Variants in NXF1 observed in about 807,000 individuals in gnomAD.
NXF1 encodes the protein mRNA export factor TAP.
A neutral mutation model predicts 92.4 loss-of-function variants in NXF1; 43 were observed. That is an observed-to-expected ratio of 0.47 (90% CI 0.36 to 0.60). The LOEUF (loss-of-function observed/expected upper bound fraction) is 0.60. Ranked by LOEUF, NXF1 falls within the 20% of genes least tolerant of loss-of-function variation. NXF1 has a pLI of 0.00. For synonymous variants in NXF1, 288 were observed against 292.2 expected, an observed-to-expected ratio of 0.99 and a Z score of 0.15; for missense variants, 576 against 793.0, an observed-to-expected ratio of 0.73 and a Z score of 3.29.
rs887028394 is a variant in NXF1, at chr11:62,799,685, G to A, written c.1016+692C>T. On this transcript the variant is annotated intron_variant, in intron 10 of 20. Transcript: ENST00000294172. ...TGTCTCCTTGGTAGCCTATGCCCCC[G>A]TGGCCTCCACGCCCAGCACCTGCCT... The A allele has an allele frequency of 1.9e-5, 19 of 985,936 alleles. No homozygotes were observed. The South Asian group carries it at 2.3e-4, about 12-fold the overall frequency. The allele number at this position is 985,936 out of a possible 1,614,324, so 61.1% of individuals were successfully genotyped here. A position where few individuals can be genotyped will look rare whatever the true frequency, so the allele number is the denominator to read the frequency against.
intron 19 of NXF1, 196 bp from the exon 20 acceptor site, chr11:62,792,897 T>C (rs2084380209): frequency 1.7e-6 from 1 of 590,434 alleles, no homozygotes; most frequent in African/African-American, 1.9e-5. Context: ...GAATATTAAA[T>C]AGCTGTCAAG....
chr11:62,795,026 C>A lies in NXF1; in HGVS notation c.1505-19G>T, dbSNP rs920209961. ...CCGTCCACTGCAATAAGAACAGCAA[C>A]AACACCTTAGGGTCACTAGTGCTTT... On this transcript the variant is annotated intron_variant, in intron 17 of 20. Transcript: ENST00000294172. 2 of 1,612,246 alleles carry A rather than the reference C, an allele frequency of 1.2e-6. No individual in the cohort carries two copies. The highest frequency in any genetic ancestry group is 1.7e-6 in the Non-Finnish European group (2 of 1,178,294).
intron 10 of NXF1, chr11:62,800,144 A>G (rs1313486068): frequency 2.9e-6 from 4 of 1,373,482 alleles, no homozygotes; most frequent in Non-Finnish European, 3.8e-6. Context: ...AAGAAAGAGA[A>G]AGGCCACAGA....
At position 62,801,640 on chromosome 11, in the gene NXF1, A is replaced by G. The variant is rs752874861; in HGVS notation, c.640-9T>C. ...CGTTTGCTCATGATCAGCTAGAGGA[A>G]AAAGAAGGGTTTAGTGGTCACTGGG... On this transcript the variant is annotated splice_polypyrimidine_tract_variant and intron_variant, in intron 6 of 20. Coordinates refer to ENST00000294172, the MANE Select transcript of NXF1 (RefSeq NM_006362.5). 1.2e-6 allele frequency: 2 copies of G among 1,614,042 alleles called. No individual in the cohort carries two copies. Among genetic ancestry groups the G allele is most frequent in the Non-Finnish European group, 1.7e-6 (2 of 1,179,992 alleles).
intron 10 of NXF1, chr11:62,799,655 TTC>T (rs942470364): frequency 1.0e-6 from 1 of 985,846 alleles, no homozygotes; most frequent in African/African-American, 1.7e-5. Context: ...AGGGGGTCAG[TTC>T]TCTGTCTCCT....
Position 62,792,526 on chromosome 11 carries a change from T to C in NXF1, c.1822-12A>G. ...ATCTCGCCCTTGGCCTGGAGAAAAATGAAGGTCAGTAGAGGTAGGCCTACC... is the reference window on the plus strand; with the variant it reads ...ATCTCGCCCTTGGCCTGGAGAAAAACGAAGGTCAGTAGAGGTAGGCCTACC... On this transcript the variant is annotated splice_polypyrimidine_tract_variant and intron_variant, in intron 20 of 20. Coordinates refer to ENST00000294172, the MANE Select transcript of NXF1 (RefSeq NM_006362.5). 3 of 1,614,116 alleles carry C rather than the reference T, an allele frequency of 1.9e-6. No homozygotes were observed. Among genetic ancestry groups the C allele is most frequent in the Non-Finnish European group, 2.5e-6 (3 of 1,180,012 alleles).
intron 20 of NXF1, 31 bp downstream of exon 20, chr11:62,792,610 G>C: frequency 6.2e-7 from 1 of 1,614,074 alleles, no homozygotes; most frequent in Non-Finnish European, 8.5e-7. Context: ...AGAGATCCTA[G>C]TCTTTTTGCC....
rs778982704 is a variant in NXF1 at position 62,792,788 on chromosome 11, C to T, written c.1761-87G>A. ...CACTCCATAAAAGCACCCAAGTTTGCCAACAAATATGTACATTCTTATACA... is the reference window on the plus strand; with the variant it reads ...CACTCCATAAAAGCACCCAAGTTTGTCAACAAATATGTACATTCTTATACA... On this transcript the variant is annotated intron_variant, in intron 19 of 20. Coordinates refer to ENST00000294172, the MANE Select transcript of NXF1 (RefSeq NM_006362.5). The T allele has an allele frequency of 5.0e-6, 6 of 1,209,444 alleles. No individual in the cohort carries two copies. The Admixed American group carries it at 1.1e-4, about 22-fold the overall frequency. 74.9% of individuals were successfully genotyped at this position (1,209,444 alleles called of 1,614,324 possible).
intron 19 of NXF1, 93 bp downstream of exon 19, chr11:62,794,165 C>CA (rs536925627): frequency 0.087 from 78,499 of 904,612 alleles, no homozygotes; most frequent in South Asian, 0.12. Flanking sequence ...AACTTGTCTC[C>CA]AAAAAAAAAA....
chr11:62,794,362 T>G lies in NXF1; in HGVS notation c.1656A>C (p.Ala552=), dbSNP rs759609846. ...EEIQRAFAMP[A]PTPSSSPVPT... ...GCACCGGGCTGGAGGAAGGCGTGGG[T>G]GCAGGCATAGCGAAGGCTCTTTGGA... The change falls in exon 19 of 21, where the codon GCA becomes GCC. Residue 552 remains alanine (A), a synonymous_variant. Coordinates refer to ENST00000294172, the MANE Select transcript of NXF1 (RefSeq NM_006362.5). The G allele has an allele frequency of 6.8e-6, 11 of 1,614,136 alleles. 1 individual carries two copies. In the South Asian group the frequency reaches 1.2e-4, roughly 18 times the overall value.
At chr11:62,796,932 T>C (rs1412013665) in intron 13 of NXF1, 1 of 566,740 alleles carries the variant, frequency 1.8e-6, no homozygotes, top group Non-Finnish European at 3.1e-6. Context: ...CCAGGTGCAG[T>C]GGCACACACC....
intron 11 of NXF1, among the ~76,000 whole-genome samples, chr11:62,798,126 CAAA>C (rs34495263): frequency 1.1e-4 from 11 of 98,592 alleles, no homozygotes; most frequent in Non-Finnish European, 1.8e-4. Flanking sequence ...AGACTCCATC[CAAA>C]AAAAAAAAAA....
Position 62,801,827 on chromosome 11 carries a change from G to A in NXF1, c.559-8C>T, listed in dbSNP as rs1426783975. The A allele has an allele frequency of 2.5e-6, 4 of 1,612,084 alleles. No homozygotes were observed. The highest frequency in any genetic ancestry group is 3.4e-6 in the Non-Finnish European group (4 of 1,178,516). ...GTTGATGATGATAGATATCTGGAGG[G>A]AAGACACAGAGGGCACAGAAAACTC... On this transcript the variant is annotated splice_polypyrimidine_tract_variant and splice_region_variant and intron_variant, in intron 5 of 20. Transcript: ENST00000294172.
At chr11:62,793,713 G>A (rs2084390589) in intron 19 of NXF1, among the ~76,000 whole-genome samples, 1 of 149,880 alleles carries the variant, frequency 6.7e-6, no homozygotes, top group African/African-American at 2.5e-5. Flanking sequence ...GCTGGGTGCA[G>A]TGCCTCATGC....
chr11:62,804,729 T>G (rs752306157), intron 1 of NXF1, among the ~76,000 whole-genome samples: 4 of 152,182 alleles, frequency 2.6e-5, no homozygotes, highest in Non-Finnish European at 4.4e-5. Flanking sequence ...CTTCAGGCAC[T>G]TGATAGGAAT....
chr11:62,800,607 TTTTTTTTTTTTTTTGGGACAGGGTCTCA>T, intron 9 of NXF1, 121 bp from the exon 10 acceptor site: 1 of 234,660 alleles, frequency 4.3e-6, no homozygotes, highest in South Asian at 1.3e-4. Context: ...AATTTTTTCT[TTTTTTTTTTTTTTTGGGACAGGGTCTCA>T]CTCTGTCACC....
rs1302659824 is a variant in NXF1 at position 62,803,599 on chromosome 11, C to G, written c.216-27G>C. 5 of 1,613,248 alleles carry G rather than the reference C, an allele frequency of 3.1e-6. No homozygotes were observed. In the South Asian group the frequency reaches 4.4e-5, roughly 14 times the overall value. ...TGTGGGTAAGCAGAGAATAAAATGACCACAAATGCTAGGAAAGTCTTCTCA... is the reference window on the plus strand; with the variant it reads ...TGTGGGTAAGCAGAGAATAAAATGAGCACAAATGCTAGGAAAGTCTTCTCA... On this transcript the variant is annotated intron_variant, in intron 2 of 20. Transcript: ENST00000294172.
intron 10 of NXF1, 146 bp from the exon 11 acceptor site, chr11:62,798,721 A>C: frequency 2.1e-6 from 3 of 1,455,920 alleles, no homozygotes; most frequent in East Asian, 2.5e-5. Context: ...CTCAGGGAAA[A>C]ATGGCCCCCA....
chr11:62,801,331 C>G lies in NXF1; in HGVS notation c.796G>C (p.Glu266Gln), dbSNP rs373921793. The G allele has an allele frequency of 2.5e-6, 4 of 1,613,928 alleles. No individual in the cohort carries two copies. The highest frequency in any genetic ancestry group is 3.4e-6 in the Non-Finnish European group (4 of 1,179,916). The change falls in exon 8 of 21, where the codon GAG (glutamate) becomes CAG (glutamine). Residue 266 changes from glutamate (E) to glutamine (Q), a missense_variant and splice_region_variant. Physicochemically the swap from Glu to Gln is conservative, Grantham distance 29. Transcript: ENST00000294172. ...TLRIIEENIP[E>Q]LLSLNLSNNR... ...TAATACTGGGCCAAAGGCCTTACCT[C>G]AGGGATGTTCTCTTCAATGATCCTC...
Sources: gnomAD v4.1 joint callset for allele counts (sites outside exome capture counted in the v4.1 genomes callset) on GRCh38, gnomAD v4.1.1 for gene constraint, MANE v1.5 for transcripts, NCBI Gene and HGNC (gene_info 2026-07-23, HGNC 2026-07-21) for gene names.